The following CTNNA2 variants were observed in gnomAD, a reference collection of about 807,000 sequenced individuals.
CTNNA2 encodes the protein catenin alpha 2.
Under a neutral mutation model 101.0 loss-of-function variants are expected in CTNNA2, and 42 were observed. That is an observed-to-expected ratio of 0.42 (90% confidence interval 0.32 to 0.54). The LOEUF (loss-of-function observed/expected upper bound fraction) is 0.54. Ranked by LOEUF, CTNNA2 falls within the 20% of genes least tolerant of loss-of-function variation. CTNNA2 has a pLI of 0.14. For missense variants in CTNNA2, 871 were observed against 1,223.1 expected, an observed-to-expected ratio of 0.71 and a Z score of 4.29; for synonymous variants, 450 against 456.4, an observed-to-expected ratio of 0.99 and a Z score of 0.18.
intron 18 of CTNNA2, among the ~76,000 whole-genome samples, chr2:80,635,850 G>C (rs541578946): frequency 6.6e-6 from 1 of 152,070 alleles, no homozygotes; most frequent in African/African-American, 2.4e-5. Context: ...GGGCATATCT[G>C]TTAAGGATAC....
chr2:79,393,324 C>A (rs796416556), intron 4 of CTNNA2, among the ~76,000 whole-genome samples: 1 of 152,282 alleles, frequency 6.6e-6, no homozygotes, highest in South Asian at 2.1e-4. Flanking sequence ...GCAAAACCAG[C>A]GTCAAGTGCA....
chr2:79,788,921 G>T (rs1006946398), intron 3 of CTNNA2, among the ~76,000 whole-genome samples: 2 of 152,158 alleles, frequency 1.3e-5, no homozygotes, highest in Non-Finnish European at 2.9e-5. Context: ...GCGAAATCAT[G>T]AAGTTGTTTC....
At chr2:80,534,865 G>T (rs1387437203) in intron 9 of CTNNA2, among the ~76,000 whole-genome samples, 1 of 152,132 alleles carries the variant, frequency 6.6e-6, no homozygotes, top group Non-Finnish European at 1.5e-5. Context: ...GCCTAAAGAT[G>T]TGTATTACTT....
intron 2 of CTNNA2, among the ~76,000 whole-genome samples, chr2:79,226,644 T>C (rs1249685080): frequency 6.6e-6 from 1 of 152,200 alleles, no homozygotes; most frequent in Non-Finnish European, 1.5e-5. Context: ...TATTTCCCTT[T>C]TTAAAAACAA....
intron 3 of CTNNA2, among the ~76,000 whole-genome samples, chr2:79,757,455 C>A (rs75907761): frequency 0.016 from 2,437 of 152,140 alleles, 48 homozygotes; most frequent in African/African-American, 0.054. Context: ...CTTTTAATAC[C>A]CTTTTTTGAA....
At chr2:79,393,105 A>T (rs1678192694) in intron 4 of CTNNA2, among the ~76,000 whole-genome samples, 1 of 152,158 alleles carries the variant, frequency 6.6e-6, no homozygotes, top group African/African-American at 2.4e-5. Context: ...CCAAAAACTC[A>T]CTGAAGAAAA....
At chr2:79,829,676 G>A (rs1221987850) in intron 3 of CTNNA2, among the ~76,000 whole-genome samples, 1 of 150,938 alleles carries the variant, frequency 6.6e-6, no homozygotes, top group Non-Finnish European at 1.5e-5. Flanking sequence ...TCCTCGTAGG[G>A]AGATTTCTTT....
chr2:80,579,591 A>C (rs1361722155), intron 13 of CTNNA2: 2 of 152,206 alleles, frequency 1.3e-5, no homozygotes, highest in East Asian at 3.9e-4. Flanking sequence ...TTTAGTTAAT[A>C]AAATATGAGA....
chr2:79,432,590 A>G lies in CTNNA2; in HGVS notation c.-135+58577A>G, dbSNP rs182057632. ...TACTGCATCCTCACCAAAGGGAGGA[A>G]GTTGGAAGTGCTGATCAGTGAGATA... On this transcript the variant is annotated intron_variant, in intron 4 of 21. Transcript: ENST00000466387. Among the ~76,000 whole-genome samples the G allele has an allele frequency of 4.6e-3, 693 of 152,298 alleles. 5 individuals carry two copies. The highest frequency in any genetic ancestry group is 7.5e-3 in the Non-Finnish European group (507 of 68,024).
intron 7 of CTNNA2, among the ~76,000 whole-genome samples, chr2:79,953,498 T>A (rs963361751): frequency 8.5e-5 from 13 of 152,186 alleles, no homozygotes; most frequent in African/African-American, 2.9e-4. Flanking sequence ...ACTGTTTGCT[T>A]TCTTCTGCAT....
Position 80,229,691 on chromosome 2 carries a change from A to G in CTNNA2, c.1057-163520A>G, listed in dbSNP as rs142336189. 5.7e-3 allele frequency among the ~76,000 whole-genome samples: 861 copies of G among 152,240 alleles called. 7 individuals carry two copies. Among genetic ancestry groups the G allele is most frequent in the African/African-American group, 0.02 (820 of 41,542 alleles). ...CTGGCCATTGGTGATGGGACAGGGG[A>G]TTGAAAGTTCCAACCCTCTAATCAA... On this transcript the variant is annotated intron_variant, in intron 7 of 18. Transcript: ENST00000402739.
At chr2:80,270,271 C>A (rs1457241244) in intron 7 of CTNNA2, among the ~76,000 whole-genome samples, 1 of 152,072 alleles carries the variant, frequency 6.6e-6, no homozygotes, top group Non-Finnish European at 1.5e-5. Context: ...TGTACTAAAT[C>A]CTCTATTTTT....
At chr2:79,585,257 A>G (rs906975473) in intron 1 of CTNNA2, among the ~76,000 whole-genome samples, 4 of 151,738 alleles carry the variant, frequency 2.6e-5, no homozygotes, top group Non-Finnish European at 4.4e-5. Flanking sequence ...TAGTTTTTCA[A>G]TTGTTTTTCT....
intron 7 of CTNNA2, among the ~76,000 whole-genome samples, chr2:80,214,998 T>G (rs2149043280): frequency 6.6e-6 from 1 of 152,328 alleles, no homozygotes; most frequent in East Asian, 1.9e-4. Flanking sequence ...TCGCTTCATT[T>G]CATTCATTTA....
At chr2:80,375,071 C>A (rs545088080) in intron 7 of CTNNA2, among the ~76,000 whole-genome samples, 2 of 152,160 alleles carry the variant, frequency 1.3e-5, no homozygotes, top group African/African-American at 4.8e-5. Context: ...AGATGGAAGC[C>A]TACTCCTTCT....
rs1490821751 is a variant in CTNNA2, at chr2:79,229,502, C to T, written c.-406+31426C>T. 7.2e-5 allele frequency among the ~76,000 whole-genome samples: 11 copies of T among 152,256 alleles called. No homozygotes were observed. In the East Asian group the frequency reaches 1.5e-3, roughly 21 times the overall value. On this transcript the variant is annotated intron_variant, in intron 2 of 21. Coordinates refer to the CTNNA2 transcript ENST00000466387. ...ACCATGATTGTGTGACCTTCCCCAG[C>T]CACCTGGAACTGTAAGTCCAATTAA...
chr2:80,515,231 A>T (rs1425203452), intron 9 of CTNNA2, among the ~76,000 whole-genome samples: 1 of 150,908 alleles, frequency 6.6e-6, no homozygotes, highest in Non-Finnish European at 1.5e-5. Context: ...TTTTTCTTGG[A>T]ATTGAATTCT....
At chr2:79,238,599 G>C (rs1011812451) in intron 2 of CTNNA2, among the ~76,000 whole-genome samples, 1 of 152,172 alleles carries the variant, frequency 6.6e-6, no homozygotes, top group Non-Finnish European at 1.5e-5. Context: ...AATGAAATGA[G>C]ATATGCCTGT....
chr2:79,425,779 C>T (rs1368524201), intron 4 of CTNNA2, among the ~76,000 whole-genome samples: 2 of 152,126 alleles, frequency 1.3e-5, no homozygotes, highest in African/African-American at 4.8e-5. Context: ...AATCTTACCT[C>T]ATCTACAGAG....
Sources: gnomAD v4.1 joint callset for allele counts (sites outside exome capture counted in the v4.1 genomes callset) on GRCh38, gnomAD v4.1.1 for gene constraint, MANE v1.5 for transcripts, NCBI Gene and HGNC (gene_info 2026-07-23, HGNC 2026-07-21) for gene names.